Variants in C19orf47 observed in about 807,000 individuals in gnomAD.
C19orf47 encodes the protein chromosome 19 open reading frame 47.
In C19orf47, 18 loss-of-function variants were observed where a neutral mutation model predicts 32.3. The observed-to-expected ratio is 0.56, with a 90% confidence interval of 0.39 to 0.83. The LOEUF is 0.83. Among genes scored for constraint, C19orf47 ranks in the 40% least tolerant of loss-of-function variants. The pLI, the probability that C19orf47 is intolerant of heterozygous loss-of-function variation, is 0.00. For synonymous variants in C19orf47, 202 were observed against 211.1 expected, an observed-to-expected ratio of 0.96 and a Z score of 0.37; for missense variants, 484 against 531.6, an observed-to-expected ratio of 0.91 and a Z score of 0.88.
Position 40,332,979 on chromosome 19 carries a change from C to T in C19orf47, c.301+872G>A, listed in dbSNP as rs147023954. Among the ~76,000 whole-genome samples, 30 of 152,122 alleles carry T rather than the reference C, an allele frequency of 2.0e-4. No individual in the cohort carries two copies. The East Asian group carries it at 2.5e-3, about 13-fold the overall frequency. On this transcript the variant is annotated intron_variant, in intron 5 of 8. Coordinates refer to ENST00000683109, the MANE Select transcript of C19orf47 (RefSeq NM_001256441.2). ...TTGCTGTTTAAAATAGCCCCCTGGACGGGAGCAGTGGCTCACGCCTATAAT... is the reference window on the plus strand; with the variant it reads ...TTGCTGTTTAAAATAGCCCCCTGGATGGGAGCAGTGGCTCACGCCTATAAT...
chr19:40,332,348 A>C (rs1050808522), intron 5 of C19orf47, among the ~76,000 whole-genome samples: 2 of 151,332 alleles, frequency 1.3e-5, no homozygotes, highest in African/African-American at 4.9e-5. Context: ...CAGCGAGACT[A>C]TCTCAAGGGA....
chr19:40,305,524 T>A, the C19orf47 span, among the ~76,000 whole-genome samples: 1 of 152,178 alleles, frequency 6.6e-6, no homozygotes, highest in African/African-American at 2.4e-5. Flanking sequence ...CCACATGAGC[T>A]GGTCATCCCT....
At chr19:40,328,620 G>A (rs1384437927) in intron 5 of C19orf47, 70 bp from the exon 6 acceptor site, 1 of 1,521,368 alleles carries the variant, frequency 6.6e-7, no homozygotes, top group East Asian at 2.4e-5. Flanking sequence ...GCAGTCTCAG[G>A]GTCAGGATGG....
intron 1 of C19orf47, among the ~76,000 whole-genome samples, chr19:40,346,644 A>C (rs2078295890): frequency 6.7e-6 from 1 of 149,522 alleles, no homozygotes; most frequent in African/African-American, 2.5e-5. Context: ...ATCCTGCCTC[A>C]GCCTCCCAAG....
the C19orf47 span, among the ~76,000 whole-genome samples, chr19:40,303,888 T>C: frequency 6.6e-6 from 1 of 150,830 alleles, no homozygotes; most frequent in African/African-American, 2.4e-5. Flanking sequence ...AAATTATCAC[T>C]GCCTGCCCCT....
rs1013303282 is a variant in C19orf47, at chr19:40,323,315, A to C, written c.663+691T>G. Among the ~76,000 whole-genome samples, 3 of 152,240 alleles carry C rather than the reference A, an allele frequency of 2.0e-5. No homozygotes were observed. The East Asian group carries it at 5.8e-4, about 29-fold the overall frequency. On this transcript the variant is annotated intron_variant, in intron 8 of 8. Transcript: ENST00000683109. ...CGGGGATGATCTTAACTCTACAGCC[A>C]TCCTTGGAGGTGGGTCTATACAGAT...
chr19:40,303,805 A>G, the C19orf47 span, among the ~76,000 whole-genome samples: 11 of 52,280 alleles, frequency 2.1e-4, no homozygotes, highest in African/African-American at 7.7e-4. Flanking sequence ...CTTTGTCTGA[A>G]AAAAAAAAAA....
chr19:40,346,672 C>T (rs1046706777), intron 1 of C19orf47, among the ~76,000 whole-genome samples: 4 of 150,840 alleles, frequency 2.7e-5, no homozygotes, highest in African/African-American at 9.7e-5. Context: ...GATTACAGGC[C>T]CCCACCACCA....
chr19:40,347,269 C>A (rs1317262490), intron 1 of C19orf47, among the ~76,000 whole-genome samples: 1 of 152,070 alleles, frequency 6.6e-6, no homozygotes, highest in Admixed American at 6.6e-5. Flanking sequence ...GTGGCTCACA[C>A]CTGTAATCCC....
In C19orf47 at chr19:40,328,460, G is replaced by A. The variant is rs2077880375; in HGVS notation, c.392C>T (p.Ser131Leu). 2 of 1,612,606 alleles carry A rather than the reference G, an allele frequency of 1.2e-6. No homozygotes were observed. The highest frequency in any genetic ancestry group is 1.7e-6 in the Non-Finnish European group (2 of 1,179,368). ...TGCCATCTTGTTGGACACAGTGACC[G>A]AGATCTTGGAGGTGCTGGTGTCCGG... ...RRPDTSTSKI[S>L]VTVSNKMAAK... The change falls in exon 6 of 9, where the codon TCG becomes TTG. Residue 131 changes from serine (S) to leucine (L), a missense_variant. Ser to Leu is a moderately radical substitution (Grantham distance 145). Around this residue, in one of 3 missense-constraint regions of C19orf47, gnomAD observed 376 missense variants for 370.2 expected, o/e 1.02. Transcript: ENST00000683109.
the C19orf47 span, among the ~76,000 whole-genome samples, chr19:40,303,089 G>C: frequency 1.7e-3 from 264 of 152,134 alleles, no homozygotes; most frequent in Non-Finnish European, 2.2e-3. Context: ...TTAGCCGGGC[G>C]GGGTGGCGGG....
downstream of C19orf47, among the ~76,000 whole-genome samples, chr19:40,315,535 C>T (rs2077656142): frequency 6.6e-6 from 1 of 151,962 alleles, no homozygotes; most frequent in Non-Finnish European, 1.5e-5. Flanking sequence ...AATCCCAGCA[C>T]TTTGGGAGGC....
At chr19:40,319,097 C>A (rs1336648659), downstream of C19orf47, among the ~76,000 whole-genome samples, 1 of 151,734 alleles carries the variant, frequency 6.6e-6, no homozygotes, top group African/African-American at 2.4e-5. Context: ...CGTGGTGAAA[C>A]CCCATCTACT....
At chr19:40,310,469 G>A in the C19orf47 span, among the ~76,000 whole-genome samples, 1 of 152,200 alleles carries the variant, frequency 6.6e-6, no homozygotes, top group African/African-American at 2.4e-5. Flanking sequence ...AGTAGAGATG[G>A]AGTTTCACCA....
the C19orf47 span, among the ~76,000 whole-genome samples, chr19:40,312,189 T>C: frequency 1.3e-5 from 2 of 152,138 alleles, no homozygotes; most frequent in Non-Finnish European, 2.9e-5. Context: ...TGCCTCCTCC[T>C]GAATCTGATG....
intron 8 of C19orf47, 84 bp from the exon 9 acceptor site, chr19:40,322,460 T>C: frequency 7.1e-7 from 1 of 1,416,186 alleles, no homozygotes; most frequent in Non-Finnish European, 9.3e-7. Context: ...GTGCCTGGCC[T>C]CCTGGGACTC....
downstream of C19orf47, among the ~76,000 whole-genome samples, chr19:40,315,354 A>G (rs1194993012): frequency 6.6e-6 from 1 of 152,138 alleles, no homozygotes; most frequent in Non-Finnish European, 1.5e-5. Context: ...CAACTCTAAA[A>G]CTATTCTAAG....
chr19:40,299,413 C>G, the C19orf47 span: 1 of 152,038 alleles, frequency 6.6e-6, no homozygotes, highest in Non-Finnish European at 1.5e-5. Context: ...TTATTAGTGA[C>G]CTAAATTAAT....
intron 2 of C19orf47, among the ~76,000 whole-genome samples, chr19:40,340,972 T>C (rs2078165238): frequency 2.1e-5 from 2 of 96,830 alleles, no homozygotes; most frequent in African/African-American, 3.6e-5. Flanking sequence ...TGTGAGCCTG[T>C]CTCAAAAAAA....
Sources: gnomAD v4.1 joint callset for allele counts (sites outside exome capture counted in the v4.1 genomes callset) on GRCh38, gnomAD v4.1.1 for gene constraint, gnomAD v4.1.1 regional missense constraint, MANE v1.5 for transcripts, NCBI Gene and HGNC (gene_info 2026-07-23, HGNC 2026-07-21) for gene names.